Variants in SYMPK observed in about 807,000 individuals in gnomAD.
SYMPK encodes symplekin scaffold protein.
In SYMPK, 49 loss-of-function variants were observed where a neutral mutation model predicts 136.4. The observed-to-expected ratio is 0.36, with a 90% CI of 0.29 to 0.46. The LOEUF (loss-of-function observed/expected upper bound fraction) is 0.46, where lower values mean the gene tolerates loss of function less well. Among genes scored for constraint, SYMPK ranks in the 20% least tolerant of loss-of-function variants. The pLI is 1.00. For missense variants in SYMPK, 1,365 were observed against 1,690.0 expected (o/e 0.81, Z 3.37); for synonymous variants, 766 against 713.0 (o/e 1.07, Z -1.19).
Position 45,848,760 on chromosome 19 carries a change from A to G in SYMPK, c.416T>C (p.Val139Ala). 6.2e-7 allele frequency: 1 copy of G among 1,613,624 alleles called. No homozygotes were observed. The highest frequency in any genetic ancestry group is 8.5e-7 in the Non-Finnish European group (1 of 1,180,018). ...AILTMTQLYK[V>A]ALQWMVKSRV... ...GGAGGGCGCTCTCACCTGCAGGGCC[A>G]CCTTGTAGAGCTGGGTCATGGTGAG... is the stretch of plus-strand genomic sequence containing the variant. Residue 139 changes from valine (V) to alanine (A), a missense_variant, in exon 6 of 27, where the codon GTG becomes GCG. Physicochemically the swap from Val to Ala is moderately conservative, Grantham distance 64 (BLOSUM62 0). Transcript: ENST00000245934.
At position 45,829,180 on chromosome 19, in the gene SYMPK, A is replaced by C. The variant is rs766247144; in HGVS notation, c.1775T>G (p.Leu592Arg). Residue 592 changes from leucine to arginine, a missense_variant, in exon 14 of 27, where the codon CTG (leucine) becomes CGG (arginine). Around this residue, in one of 11 missense-constraint regions of SYMPK, gnomAD observed 303 missense variants for 326.6 expected, o/e 0.93. Transcript: ENST00000245934. ...AQVRIKILAS[L>R]VTQFNSGLKA... ...CAGGCCCGAGTTGAACTGTGTCACC[A>C]GGCTGGCCAGGATCTTTATGCGGAC... is the stretch of plus-strand genomic sequence containing the variant. The C allele has an allele frequency of 1.2e-6, 2 of 1,613,966 alleles. No individual in the cohort carries two copies. Among genetic ancestry groups the C allele is most frequent in the Non-Finnish European group, 1.7e-6 (2 of 1,179,852 alleles).
At chr19:45,838,394 G>T in intron 10 of SYMPK, 67 bp downstream of exon 10, 1 of 1,534,228 alleles carries the variant, frequency 6.5e-7, no homozygotes, top group Non-Finnish European at 8.8e-7. Context: ...TGAAGTGGAG[G>T]CAGGTGAAAG....
intron 1 of SYMPK, 70 bp from the exon 2 acceptor site, chr19:45,854,577 C>T: frequency 7.7e-7 from 1 of 1,295,722 alleles, no homozygotes; most frequent in Non-Finnish European, 1.1e-6. Context: ...TGGATTGTCA[C>T]CCGAACACCT....
intron 13 of SYMPK, 146 bp from the exon 14 acceptor site, chr19:45,829,351 T>G: frequency 9.4e-5 from 45 of 476,816 alleles, no homozygotes; most frequent in Middle Eastern, 6.6e-4. Context: ...AGGACCCTTA[T>G]GCCTAGGAAG....
In SYMPK at chr19:45,854,692, G is replaced by A. The variant is rs1032631996; in HGVS notation, c.-12-185C>T. 34 of 576,110 alleles carry A rather than the reference G, an allele frequency of 5.9e-5. No homozygotes were observed. In the African/African-American group the frequency reaches 6.2e-4, roughly 10 times the overall value. The allele number at this position is 576,110 out of a possible 1,614,324, so 35.7% of individuals were successfully genotyped here. A position where few individuals can be genotyped will look rare whatever the true frequency, so the allele number is the denominator to read the frequency against. ...CTCTGGCTTATGGATATGTGCACGG[G>A]GCCTGTAACTTGGGGGAGACTGACA... On this transcript the variant is annotated intron_variant, in intron 1 of 26. Transcript: ENST00000245934.
At chr19:45,831,816 G>C (rs1971182855) in intron 11 of SYMPK, among the ~76,000 whole-genome samples, 1 of 152,114 alleles carries the variant, frequency 6.6e-6, no homozygotes, top group Non-Finnish European at 1.5e-5. Context: ...AAATGCTACA[G>C]CCACTTTGGA....
Position 45,821,702 on chromosome 19 carries a change from C to T in SYMPK, c.2792-217G>A, listed in dbSNP as rs1437819395. 6.6e-6 allele frequency among the ~76,000 whole-genome samples: 1 copy of T among 152,216 alleles called. No homozygotes were observed. Among genetic ancestry groups the T allele is most frequent in the Non-Finnish European group, 1.5e-5 (1 of 68,036 alleles). On this transcript the variant is annotated intron_variant, in intron 21 of 26. Coordinates refer to ENST00000245934, the MANE Select transcript of SYMPK (RefSeq NM_004819.3). This position sits in a 1 kb window ranked among gnomAD's most constrained non-coding sequence, Gnocchi z 4.4. ...GAGGTTGCCACTGTGTGCTCCTCCC[C>T]ATCCTGGGCTCCCACCCTGGGTAGC...
intron 10 of SYMPK, among the ~76,000 whole-genome samples, 177 bp downstream of exon 10, chr19:45,838,284 A>AAGC (rs1288706352): frequency 2.6e-5 from 4 of 151,990 alleles, no homozygotes; most frequent in Non-Finnish European, 5.9e-5. Context: ...AGCTAAGCAG[A>AAGC]TGCCAGCACC....
At chr19:45,849,982 T>C (rs1343848204) in intron 5 of SYMPK, among the ~76,000 whole-genome samples, 3 of 151,618 alleles carry the variant, frequency 2.0e-5, no homozygotes, top group African/African-American at 4.9e-5. Context: ...GTGGTGGAGG[T>C]TGCAGTTAGC....
chr19:45,845,355 T>C (rs564885850), intron 7 of SYMPK, among the ~76,000 whole-genome samples: 2 of 152,270 alleles, frequency 1.3e-5, no homozygotes, highest in East Asian at 1.9e-4. Context: ...CAACCGCCCA[T>C]TACCCTTTTC....
At chr19:45,844,302 G>C (rs1971511448) in intron 7 of SYMPK, 102 bp from the exon 8 acceptor site, 1 of 911,592 alleles carries the variant, frequency 1.1e-6, no homozygotes, top group South Asian at 2.2e-5. Flanking sequence ...CTGGTACCTA[G>C]ATGTCTATGA....
chr19:45,852,386 C>G lies in SYMPK; in HGVS notation c.226-1G>C. 6.2e-7 allele frequency: 1 copy of G among 1,614,208 alleles called. No individual in the cohort carries two copies. The highest frequency in any genetic ancestry group is 8.5e-7 in the Non-Finnish European group (1 of 1,180,040). On this transcript the variant is annotated splice_acceptor_variant, in intron 4 of 26. Transcript: ENST00000245934. LOFTEE classifies it high-confidence loss of function. The stretch of plus-strand genomic sequence containing the variant: ...TGTCTGCTTGGAATGCGATGATCTC[C>G]TGCCAATGTTAGAGAGAAAGTGGAT...
chr19:45,835,015 A>G, intron 11 of SYMPK, 63 bp downstream of exon 11: 1 of 1,414,346 alleles, frequency 7.1e-7, no homozygotes, highest in Non-Finnish European at 9.4e-7. Flanking sequence ...CTCTTCCAGT[A>G]AGGAGAACCC....
In SYMPK at chr19:45,852,458, C is replaced by T. The variant is rs768454197; in HGVS notation, c.225+24G>A. 5.6e-6 allele frequency: 9 copies of T among 1,614,236 alleles called. No homozygotes were observed. The South Asian group carries it at 9.9e-5, about 18-fold the overall frequency. On this transcript the variant is annotated intron_variant, in intron 4 of 26. Transcript: ENST00000245934. ...ATCCCCTTTCCCCTACACCACACCC[C>T]TTTCTCTTCTGTCAGTCACTCACAT...
chr19:45,835,992 A>G (rs1971292721), intron 10 of SYMPK, among the ~76,000 whole-genome samples: 1 of 152,172 alleles, frequency 6.6e-6, no homozygotes, highest in African/African-American at 2.4e-5. Flanking sequence ...ATTGACTTCA[A>G]ATAACAAGCA....
intron 16 of SYMPK, 54 bp downstream of exon 16, chr19:45,827,456 C>A (rs964790318): frequency 5.4e-6 from 7 of 1,305,532 alleles, no homozygotes; most frequent in Non-Finnish European, 7.7e-6. Flanking sequence ...AGGATAGAGG[C>A]GGCCTCTGCA....
rs1971364455 is a variant in SYMPK, at chr19:45,838,675, TTCCGGG to T, written c.1088-66_1088-61del. The T allele has an allele frequency of 1.9e-6, 3 of 1,552,360 alleles. No homozygotes were observed. In the African/African-American group the frequency reaches 4.1e-5, roughly 21 times the overall value. On this transcript the variant is annotated intron_variant, in intron 9 of 26. Transcript: ENST00000245934. ...AGAGAGAGCTGCAGGCCCTCCATCC[TTCCGGG>T]GTGCCCGGGTGGTCCCTGCCTCTAG...
At chr19:45,820,874 G>A in intron 22 of SYMPK, 1 of 511,522 alleles carries the variant, frequency 2.0e-6, no homozygotes, top group East Asian at 3.4e-5. Flanking sequence ...GCCTGTAGGC[G>A]TTCAGGGAGA....
intron 23 of SYMPK, 131 bp downstream of exon 23, chr19:45,817,828 T>C: frequency 5.2e-6 from 5 of 957,314 alleles, no homozygotes; most frequent in Non-Finnish European, 7.6e-6. Flanking sequence ...GCTATTTTCT[T>C]GGCAGGAGGC....
Sources: gnomAD v4.1 joint callset for allele counts (sites outside exome capture counted in the v4.1 genomes callset) on GRCh38, gnomAD v4.1.1 for gene constraint, gnomAD v4.1.1 regional missense constraint, Gnocchi (gnomAD v3.1) non-coding constraint, MANE v1.5 for transcripts, NCBI Gene and HGNC (gene_info 2026-07-23, HGNC 2026-07-21) for gene names.